Variants in XYLT1 observed in about 807,000 individuals in gnomAD.
XYLT1 encodes xylosyltransferase 1.
In XYLT1, 36 loss-of-function variants were observed where a neutral mutation model predicts 91.3. That is an observed-to-expected ratio of 0.39 (90% CI 0.30 to 0.52). The LOEUF is 0.52. Among genes scored for constraint, XYLT1 ranks in the 20% least tolerant of loss-of-function variants. The probability of loss-of-function intolerance (pLI) is 0.68; values close to 1 mark genes in which losing one functional copy is unlikely to be tolerated. For missense variants in XYLT1, 1,242 were observed against 1,284.5 expected (o/e 0.97, Z 0.51); for synonymous variants, 588 against 532.0 (o/e 1.11, Z -1.45).
At chr16:17,135,348 C>T (rs1042308323) in intron 8 of XYLT1, among the ~76,000 whole-genome samples, 8 of 152,062 alleles carry the variant, frequency 5.3e-5, no homozygotes, top group East Asian at 1.9e-4. Flanking sequence ...CACAAGGGAT[C>T]GGAATCTCTG....
Position 17,131,981 on chromosome 16 carries a change from G to T in XYLT1, c.2027+2492C>A, listed in dbSNP as rs565227451. On this transcript the variant is annotated intron_variant, in intron 9 of 11. Coordinates refer to ENST00000261381, the MANE Select transcript of XYLT1 (RefSeq NM_022166.4). ...ACGAGGTGGATACCAGAGGATTCCTGGCTCGAGGCAACGTGACGGCTCACT... is the reference window on the plus strand; with the variant it reads ...ACGAGGTGGATACCAGAGGATTCCTTGCTCGAGGCAACGTGACGGCTCACT... Among the ~76,000 whole-genome samples the T allele has an allele frequency of 3.9e-5, 6 of 152,012 alleles. No homozygotes were observed. In the South Asian group the frequency reaches 1.2e-3, roughly 32 times the overall value.
At chr16:17,109,952 T>A (rs1966830860) in intron 11 of XYLT1, among the ~76,000 whole-genome samples, 1 of 152,036 alleles carries the variant, frequency 6.6e-6, no homozygotes, top group African/African-American at 2.4e-5. Flanking sequence ...TGGACCCGGG[T>A]GAGGTGGGGT....
intron 2 of XYLT1, among the ~76,000 whole-genome samples, chr16:17,335,908 CAG>C (rs904430941): frequency 6.6e-6 from 1 of 152,126 alleles, no homozygotes; most frequent in East Asian, 1.9e-4. Flanking sequence ...GAAAAATAAA[CAG>C]AGAGCTATTA....
chr16:17,436,270 C>T (rs925683479), intron 1 of XYLT1, among the ~76,000 whole-genome samples: 2 of 152,280 alleles, frequency 1.3e-5, no homozygotes, highest in South Asian at 4.1e-4. Context: ...TGAGAAAAGA[C>T]AATTACACGG....
chr16:17,428,142 C>T (rs982353116), intron 1 of XYLT1, among the ~76,000 whole-genome samples: 3 of 152,158 alleles, frequency 2.0e-5, no homozygotes, highest in African/African-American at 4.8e-5. Context: ...CACCATCACG[C>T]ACAGCTAGTT....
intron 1 of XYLT1, among the ~76,000 whole-genome samples, chr16:17,412,180 C>T (rs74369936): frequency 0.063 from 9,557 of 152,120 alleles, 588 homozygotes; most frequent in Admixed American, 0.19. Context: ...AAAAACGCTC[C>T]GCACAGCTCC....
chr16:17,189,229 C>G (rs973322811), intron 5 of XYLT1, among the ~76,000 whole-genome samples: 2 of 152,210 alleles, frequency 1.3e-5, no homozygotes, highest in Non-Finnish European at 2.9e-5. Context: ...TCACACTCTA[C>G]TCCTCCACAT....
At chr16:17,460,654 G>A (rs910517418) in intron 1 of XYLT1, among the ~76,000 whole-genome samples, 1 of 152,218 alleles carries the variant, frequency 6.6e-6, no homozygotes, top group Non-Finnish European at 1.5e-5. Context: ...TAGGGACCCA[G>A]TGGGTCTGCA....
At chr16:17,263,155 GT>G (rs2033748538) in intron 2 of XYLT1, among the ~76,000 whole-genome samples, 1 of 151,958 alleles carries the variant, frequency 6.6e-6, no homozygotes, top group Admixed American at 6.6e-5. Context: ...TTATCAGCAA[GT>G]TTCCCCGCCA....
chr16:17,402,520 T>C (rs939871486), intron 1 of XYLT1, among the ~76,000 whole-genome samples: 2 of 152,054 alleles, frequency 1.3e-5, no homozygotes, highest in Non-Finnish European at 2.9e-5. Flanking sequence ...ATAAACTGCT[T>C]GTGGAAAAAA....
At chr16:17,467,165 C>T (rs751860048) in intron 1 of XYLT1, among the ~76,000 whole-genome samples, 7 of 151,880 alleles carry the variant, frequency 4.6e-5, no homozygotes, top group Admixed American at 2.0e-4. Context: ...GGGCGGCAGG[C>T]GGGGGGTGGG....
intron 5 of XYLT1, among the ~76,000 whole-genome samples, chr16:17,171,478 G>A (rs559093267): frequency 4.6e-5 from 7 of 152,342 alleles, no homozygotes; most frequent in African/African-American, 1.7e-4. Context: ...CACAGAGATC[G>A]ATTCTGGAGG....
chr16:17,133,636 T>C (rs116421713), intron 9 of XYLT1, among the ~76,000 whole-genome samples: 30 of 152,342 alleles, frequency 2.0e-4, no homozygotes, highest in African/African-American at 7.0e-4. Context: ...CCAATTCTTG[T>C]TGCAATTATG....
chr16:17,449,295 C>T (rs766520699), intron 1 of XYLT1, among the ~76,000 whole-genome samples: 2 of 152,264 alleles, frequency 1.3e-5, no homozygotes, highest in Admixed American at 6.5e-5. Flanking sequence ...GCCAGCTTCT[C>T]ACTGCTGTCT....
At chr16:17,238,091 T>C (rs566976508) in intron 3 of XYLT1, among the ~76,000 whole-genome samples, 3 of 152,232 alleles carry the variant, frequency 2.0e-5, no homozygotes, top group Non-Finnish European at 4.4e-5. Flanking sequence ...CTTTTTCCCC[T>C]GGCCTTTCCA....
rs190544635 is a variant in XYLT1, at chr16:17,337,489, G to C, written c.402+20523C>G. ...CGTGAGCCACCATGCCCGGCCTCCT[G>C]AGAACCTTTAATTGAACTTGCAGCA... On this transcript the variant is annotated intron_variant, in intron 2 of 11. Coordinates refer to ENST00000261381, the MANE Select transcript of XYLT1 (RefSeq NM_022166.4). Among the ~76,000 whole-genome samples the C allele has an allele frequency of 9.2e-5, 14 of 152,048 alleles. No homozygotes were observed. The East Asian group carries it at 2.7e-3, about 30-fold the overall frequency.
chr16:17,442,493 T>C (rs191824550), intron 1 of XYLT1, among the ~76,000 whole-genome samples: 3 of 152,168 alleles, frequency 2.0e-5, no homozygotes, highest in Admixed American at 2.0e-4. Context: ...GTGAGGGCGG[T>C]TCTGAATGAG....
intron 9 of XYLT1, among the ~76,000 whole-genome samples, chr16:17,133,192 G>A (rs118078950): frequency 1.1e-3 from 161 of 152,188 alleles, no homozygotes; most frequent in African/African-American, 2.8e-3. Flanking sequence ...ACAGCCCTGC[G>A]GAAACCTTGC....
intron 5 of XYLT1, among the ~76,000 whole-genome samples, chr16:17,159,987 C>A (rs1044669824): frequency 7.9e-5 from 12 of 152,174 alleles, no homozygotes; most frequent in Non-Finnish European, 1.8e-4. Flanking sequence ...ACTATTGTTT[C>A]AAATGGGAGG....
Sources: gnomAD v4.1 joint callset for allele counts (sites outside exome capture counted in the v4.1 genomes callset) on GRCh38, gnomAD v4.1.1 for gene constraint, MANE v1.5 for transcripts, NCBI Gene and HGNC (gene_info 2026-07-23, HGNC 2026-07-21) for gene names.